FGF14: variants seen among roughly 807,000 people sequenced by gnomAD.
FGF14 encodes the protein fibroblast growth factor 14.
A neutral mutation model predicts 25.5 loss-of-function variants in FGF14; 5 were observed. The ratio of observed to expected loss-of-function variants is 0.20; its 90% CI spans 0.10 to 0.41. The LOEUF is 0.41. FGF14 is among the 10% of genes least tolerant of loss of function. FGF14 has a pLI of 1.00. For missense variants in FGF14, 222 were observed against 320.1 expected (o/e 0.69, Z 2.34); for synonymous variants, 138 against 118.3 (o/e 1.17, Z -1.08).
intron 1 of FGF14, among the ~76,000 whole-genome samples, chr13:102,161,650 A>AT (rs1566765195): frequency 0.028 from 1,219 of 42,854 alleles, 124 homozygotes; most frequent in East Asian, 0.094. Flanking sequence ...GAAGAAGAAG[A>AT]AGAAGAAGAA....
At chr13:101,993,339 G>A (rs945342584) in intron 1 of FGF14, among the ~76,000 whole-genome samples, 1 of 152,014 alleles carries the variant, frequency 6.6e-6, no homozygotes, top group African/African-American at 2.4e-5. Flanking sequence ...TGCCTTGCAA[G>A]ACATGTTAAA....
chr13:101,889,810 C>T (rs2046180089), intron 1 of FGF14, among the ~76,000 whole-genome samples: 1 of 152,168 alleles, frequency 6.6e-6, no homozygotes, highest in Admixed American at 6.5e-5. Flanking sequence ...GAGTTGATTC[C>T]AACCTCTACA....
chr13:102,338,493 T>A (rs2056853165), intron 1 of FGF14, among the ~76,000 whole-genome samples: 1 of 152,314 alleles, frequency 6.6e-6, no homozygotes, highest in South Asian at 2.1e-4. Context: ...ATCAATGAAC[T>A]AATGTAACTT....
intron 1 of FGF14, among the ~76,000 whole-genome samples, chr13:101,965,185 G>T (rs2037111345): frequency 6.6e-6 from 1 of 151,662 alleles, no homozygotes; most frequent in Non-Finnish European, 1.5e-5. Flanking sequence ...GCAGGCAGAG[G>T]TTGCAGTCAG....
intron 1 of FGF14, among the ~76,000 whole-genome samples, chr13:102,143,256 T>G (rs2140465455): frequency 6.6e-6 from 1 of 152,280 alleles, no homozygotes; most frequent in East Asian, 1.9e-4. Context: ...TCTTGATTAT[T>G]AATGGTTTTC....
chr13:102,250,659 T>C (rs1264286919), intron 1 of FGF14, among the ~76,000 whole-genome samples: 1 of 152,214 alleles, frequency 6.6e-6, no homozygotes, highest in Non-Finnish European at 1.5e-5. Flanking sequence ...GTTCACTTTG[T>C]TAACCCTGGT....
intron 1 of FGF14, among the ~76,000 whole-genome samples, chr13:102,006,974 G>A (rs1400077318): frequency 6.6e-6 from 1 of 151,448 alleles, no homozygotes; most frequent in Non-Finnish European, 1.5e-5. Flanking sequence ...TCGATCTCCT[G>A]ACCTCATGAT....
At chr13:101,821,936 G>C (rs1248143586) in intron 3 of FGF14, among the ~76,000 whole-genome samples, 1 of 152,270 alleles carries the variant, frequency 6.6e-6, no homozygotes, top group Middle Eastern at 3.4e-3. Flanking sequence ...TTCTTTGTCA[G>C]ATATAAGAAC....
intron 1 of FGF14, among the ~76,000 whole-genome samples, chr13:102,161,718 G>T (rs185961383): frequency 4.0e-5 from 6 of 149,538 alleles, no homozygotes; most frequent in Admixed American, 2.7e-4. Context: ...AGAAGAAGAA[G>T]AAGAAGAATA....
At chr13:102,091,905 T>C (rs1477128034) in intron 1 of FGF14, among the ~76,000 whole-genome samples, 1 of 152,346 alleles carries the variant, frequency 6.6e-6, no homozygotes, top group Non-Finnish European at 1.5e-5. Flanking sequence ...CAGAGTGGAC[T>C]CTGACCACTA....
chr13:101,826,785 G>T (rs1248431234), intron 3 of FGF14, among the ~76,000 whole-genome samples: 1 of 151,790 alleles, frequency 6.6e-6, no homozygotes, highest in African/African-American at 2.4e-5. Flanking sequence ...TTTAACAGAC[G>T]TCTGCAAATA....
At chr13:102,072,742 C>T (rs76029570) in intron 1 of FGF14, among the ~76,000 whole-genome samples, 5 of 152,194 alleles carry the variant, frequency 3.3e-5, no homozygotes, top group African/African-American at 1.2e-4. Flanking sequence ...GTAAAAATTA[C>T]CTGAAGCCTC....
chr13:101,957,060 A>T (rs2036560941), intron 1 of FGF14, among the ~76,000 whole-genome samples: 1 of 152,180 alleles, frequency 6.6e-6, no homozygotes. Context: ...TGCTTCATGA[A>T]TGCAGATGCT....
intron 1 of FGF14, among the ~76,000 whole-genome samples, chr13:102,385,729 A>T (rs2058286682): frequency 6.6e-6 from 1 of 152,180 alleles, no homozygotes; most frequent in African/African-American, 2.4e-5. Flanking sequence ...TGGGTGAAAG[A>T]TTCTAATGGC....
chr13:101,810,562 G>T (rs1385810813), intron 3 of FGF14, among the ~76,000 whole-genome samples: 4 of 152,144 alleles, frequency 2.6e-5, no homozygotes, highest in Non-Finnish European at 5.9e-5. Flanking sequence ...TGACATGCAG[G>T]ACTGGATGAC....
At chr13:102,056,196 T>C (rs1362622804) in intron 1 of FGF14, among the ~76,000 whole-genome samples, 2 of 152,206 alleles carry the variant, frequency 1.3e-5, no homozygotes, top group Non-Finnish European at 2.9e-5. Flanking sequence ...GAGTTGGGTA[T>C]TTGTTACAAA....
At chr13:102,300,149 G>C (rs2054953401) in intron 1 of FGF14, 1 of 152,030 alleles carries the variant, frequency 6.6e-6, no homozygotes. Context: ...TCAAAGCCTA[G>C]AATCAACTAT....
chr13:102,081,909 A>G (rs2043641560), intron 1 of FGF14, among the ~76,000 whole-genome samples: 1 of 152,210 alleles, frequency 6.6e-6, no homozygotes, highest in African/African-American at 2.4e-5. Context: ...TTTAGTTTCT[A>G]TAAATGGAAT....
intron 1 of FGF14, among the ~76,000 whole-genome samples, chr13:101,976,551 C>G (rs1199205923): frequency 2.0e-5 from 3 of 152,130 alleles, no homozygotes; most frequent in Non-Finnish European, 4.4e-5. Context: ...AAGTAGTGAG[C>G]TAGCCCCCAA....
Sources: gnomAD v4.1 joint callset for allele counts (sites outside exome capture counted in the v4.1 genomes callset) on GRCh38, gnomAD v4.1.1 for gene constraint, MANE v1.5 for transcripts, NCBI Gene and HGNC (gene_info 2026-07-23, HGNC 2026-07-21) for gene names.